The following NCKAP1L variants were observed in gnomAD, a reference collection of about 807,000 sequenced individuals.
NCKAP1L encodes NCK associated protein 1 like.
A neutral mutation model predicts 139.2 loss-of-function variants in NCKAP1L; 53 were observed. The ratio of observed to expected loss-of-function variants is 0.38; its 90% CI spans 0.31 to 0.48. NCKAP1L has a LOEUF of 0.48. Ranked by LOEUF, NCKAP1L falls within the 20% of genes least tolerant of loss-of-function variation. The probability of loss-of-function intolerance (pLI) is 0.98; values close to 1 mark genes in which losing one functional copy is unlikely to be tolerated. For synonymous variants in NCKAP1L, 468 were observed against 499.7 expected, an observed-to-expected ratio of 0.94 and a Z score of 0.85; for missense variants, 1,151 against 1,381.9, an observed-to-expected ratio of 0.83 and a Z score of 2.65.
In NCKAP1L at chr12:54,537,205, G is replaced by T. The variant is rs886877503; in HGVS notation, c.3183+152G>T. 7.5e-6 allele frequency: 4 copies of T among 530,944 alleles called. No individual in the cohort carries two copies. The Admixed American group carries it at 1.0e-4, about 14-fold the overall frequency. The allele number at this position is 530,944 out of a possible 1,614,324, so 32.9% of individuals were successfully genotyped here. On this transcript the variant is annotated intron_variant, in intron 29 of 30. Coordinates refer to ENST00000293373, the MANE Select transcript of NCKAP1L (RefSeq NM_005337.5). ...AGAGTGAGAAGCTACTATGTGAAAGGCAAGAGTTTCTTCTAAATTTCCTAA... is the reference window on the plus strand; with the variant it reads ...AGAGTGAGAAGCTACTATGTGAAAGTCAAGAGTTTCTTCTAAATTTCCTAA...
At chr12:54,503,749 C>A (rs1956820448) in intron 3 of NCKAP1L, among the ~76,000 whole-genome samples, 1 of 151,746 alleles carries the variant, frequency 6.6e-6, no homozygotes, top group Non-Finnish European at 1.5e-5. Context: ...AGCGAGTCTC[C>A]TGCCTCAGCC....
intron 17 of NCKAP1L, 135 bp downstream of exon 17, chr12:54,520,961 C>A: frequency 6.8e-7 from 1 of 1,469,806 alleles, no homozygotes; most frequent in Non-Finnish European, 9.4e-7. Flanking sequence ...CTAAATATCT[C>A]AGCTTGATGT....
chr12:54,511,008 T>G (rs1319085802), intron 7 of NCKAP1L, among the ~76,000 whole-genome samples: 1 of 152,174 alleles, frequency 6.6e-6, no homozygotes, highest in Non-Finnish European at 1.5e-5. Context: ...CTCAAAGTCC[T>G]TCCCTCAAAG....
Position 54,545,849 on chromosome 12 carries a change from G to A in NCKAP1L, c.*3164G>A, listed in dbSNP as rs934046811. On this transcript the variant is annotated 3_prime_UTR_variant, in exon 31 of 31. Coordinates refer to ENST00000293373, the MANE Select transcript of NCKAP1L (RefSeq NM_005337.5). The stretch of plus-strand genomic sequence containing the variant: ...CCACAAGGCCTGGGGCAAGATACTT[G>A]CATAGGTGCCCCCTTTTGTTTGGAC... 11 of 152,250 alleles carry A rather than the reference G, an allele frequency of 7.2e-5. No individual in the cohort carries two copies. The highest frequency in any genetic ancestry group is 1.6e-4 in the Non-Finnish European group (11 of 68,054). 9.4% of individuals were successfully genotyped at this position (152,250 alleles called of 1,614,324 possible).
chr12:54,539,290 G>C (rs1350673835), intron 30 of NCKAP1L, among the ~76,000 whole-genome samples: 2 of 152,152 alleles, frequency 1.3e-5, no homozygotes, highest in East Asian at 3.9e-4. Context: ...GTAATTACCT[G>C]TCCAGTACAT....
At chr12:54,534,994 CT>C in intron 26 of NCKAP1L, 109 bp from the exon 27 acceptor site, 2 of 754,508 alleles carry the variant, frequency 2.7e-6, no homozygotes, top group Non-Finnish European at 4.2e-6. Flanking sequence ...ATAAAAGCAT[CT>C]TTAAAAAAAA....
chr12:54,525,789 T>G (rs1339041549), intron 20 of NCKAP1L, among the ~76,000 whole-genome samples: 3 of 152,126 alleles, frequency 2.0e-5, no homozygotes, highest in Admixed American at 6.5e-5. Flanking sequence ...AACAAAAAAC[T>G]ACCTCTTTCC....
rs545063312 is a variant in NCKAP1L, at chr12:54,542,077, G to C, written c.3274-498G>C. ...ATTAATCATGCCTGCTCCTTTATGC[G>C]GCATCCTTACTGTTCCCCAAGCACT... On this transcript the variant is annotated intron_variant, in intron 30 of 30. Coordinates refer to ENST00000293373, the MANE Select transcript of NCKAP1L (RefSeq NM_005337.5). Among the ~76,000 whole-genome samples, 3 of 152,066 alleles carry C rather than the reference G, an allele frequency of 2.0e-5. No individual in the cohort carries two copies. In the South Asian group the frequency reaches 6.2e-4, roughly 32 times the overall value.
chr12:54,499,489 T>G (rs1489055405), intron 2 of NCKAP1L, 24 bp downstream of exon 2: 10 of 1,288,042 alleles, frequency 7.8e-6, no homozygotes, highest in Non-Finnish European at 1.1e-5. Flanking sequence ...CCTTCTCTCC[T>G]TTCTCTGAAT....
chr12:54,535,041 T>A (rs573540467), intron 26 of NCKAP1L, 63 bp from the exon 27 acceptor site: 9 of 1,350,866 alleles, frequency 6.7e-6, no homozygotes, highest in Admixed American at 3.9e-5. Flanking sequence ...TGGCTATGCA[T>A]TCCTTCTGTC....
At chr12:54,520,567 A>C in intron 16 of NCKAP1L, 127 bp from the exon 17 acceptor site, 1 of 922,072 alleles carries the variant, frequency 1.1e-6, no homozygotes, top group East Asian at 2.4e-5. Context: ...TTTTTGAAAG[A>C]ATGAATATCC....
chr12:54,527,471 C>T (rs571121614), intron 21 of NCKAP1L, among the ~76,000 whole-genome samples: 2 of 152,312 alleles, frequency 1.3e-5, no homozygotes, highest in African/African-American at 4.8e-5. Context: ...GAGAATACCC[C>T]TCTAAAGGGA....
At chr12:54,519,038 T>A in intron 15 of NCKAP1L, 66 bp downstream of exon 15, 1 of 1,561,160 alleles carries the variant, frequency 6.4e-7, no homozygotes, top group Non-Finnish European at 8.8e-7. Flanking sequence ...TCCCTTCTCT[T>A]TTTATCTCCT....
In NCKAP1L at chr12:54,502,212, G is replaced by A. The variant is rs1956803529; in HGVS notation, c.306+1587G>A. Among the ~76,000 whole-genome samples, 5 of 152,254 alleles carry A rather than the reference G, an allele frequency of 3.3e-5. No homozygotes were observed. The South Asian group carries it at 1.0e-3, about 32-fold the overall frequency. On this transcript the variant is annotated intron_variant, in intron 3 of 30. Coordinates refer to ENST00000293373, the MANE Select transcript of NCKAP1L (RefSeq NM_005337.5). ...CAGAATATTTGCATTAGGCAGTTGA[G>A]CATCCCTAATATGAAAGTCTGAAAT... is the stretch of plus-strand genomic sequence containing the variant.
At chr12:54,508,899 C>A (rs2120895042) in intron 5 of NCKAP1L, among the ~76,000 whole-genome samples, 1 of 152,262 alleles carries the variant, frequency 6.6e-6, no homozygotes, top group South Asian at 2.1e-4. Flanking sequence ...GTCTTGGAAC[C>A]AATCTCCCTG....
chr12:54,526,952 C>T (rs1565680317), intron 21 of NCKAP1L, among the ~76,000 whole-genome samples: 1 of 152,252 alleles, frequency 6.6e-6, no homozygotes, highest in African/African-American at 2.4e-5. Flanking sequence ...CTCACCCTCA[C>T]TGGAACATCC....
At chr12:54,508,144 ATCT>A (rs749224379) in intron 4 of NCKAP1L, among the ~76,000 whole-genome samples, 2 of 152,194 alleles carry the variant, frequency 1.3e-5, no homozygotes, top group Non-Finnish European at 2.9e-5. Flanking sequence ...TTACATAAAA[ATCT>A]TCTTCACCTT....
chr12:54,524,519 G>T (rs1957011925), intron 20 of NCKAP1L, among the ~76,000 whole-genome samples: 1 of 152,164 alleles, frequency 6.6e-6, no homozygotes, highest in Non-Finnish European at 1.5e-5. Context: ...GGGCACTACA[G>T]TCTGCAAGTG....
chr12:54,506,626 G>A (rs1248278796), intron 3 of NCKAP1L, among the ~76,000 whole-genome samples: 1 of 148,062 alleles, frequency 6.8e-6, no homozygotes, highest in African/African-American at 2.5e-5. Flanking sequence ...TAGAGATGGG[G>A]TTTTGTCATG....
Sources: gnomAD v4.1 joint callset for allele counts (sites outside exome capture counted in the v4.1 genomes callset) on GRCh38, gnomAD v4.1.1 for gene constraint, MANE v1.5 for transcripts, NCBI Gene and HGNC (gene_info 2026-07-23, HGNC 2026-07-21) for gene names.